Variants in PIGK observed in about 807,000 individuals in gnomAD.
The protein encoded by PIGK is GPI-anchor transamidase.
A neutral mutation model predicts 50.6 loss-of-function variants in PIGK; 42 were observed. The ratio of observed to expected loss-of-function variants is 0.83; its 90% CI spans 0.65 to 1.07. The LOEUF is 1.07. Among genes scored for constraint, PIGK ranks in the 50% least tolerant of loss-of-function variants. PIGK has a pLI of 0.00. For synonymous variants in PIGK, 151 were observed against 156.0 expected, an observed-to-expected ratio of 0.97 and a Z score of 0.24; for missense variants, 448 against 488.7, an observed-to-expected ratio of 0.92 and a Z score of 0.78.
intron 9 of PIGK, among the ~76,000 whole-genome samples, chr1:77,127,442 T>C (rs148110942): frequency 9.1e-4 from 139 of 152,300 alleles, no homozygotes; most frequent in African/African-American, 3.2e-3. Context: ...CATGTTCCTA[T>C]AGTCCCAGCT....
At chr1:77,189,703 ATATATATATATATATAT>A (rs1655840481) in intron 3 of PIGK, among the ~76,000 whole-genome samples, 1 of 12,098 alleles carries the variant, frequency 8.3e-5, no homozygotes, top group Non-Finnish European at 2.2e-4. Context: ...TCATATATAT[ATATATATATATATATAT>A]ATATATATAT....
intron 3 of PIGK, among the ~76,000 whole-genome samples, chr1:77,191,225 A>G (rs1218542825): frequency 6.6e-6 from 1 of 152,218 alleles, no homozygotes; most frequent in Non-Finnish European, 1.5e-5. Flanking sequence ...TCACTGATCT[A>G]GCGTAACTTT....
At chr1:77,214,385 A>C (rs769336896) in intron 1 of PIGK, among the ~76,000 whole-genome samples, 6 of 152,216 alleles carry the variant, frequency 3.9e-5, no homozygotes, top group Admixed American at 1.3e-4. Flanking sequence ...TCACATCAAC[A>C]AAATGAAGGA....
At position 77,092,062 on chromosome 1, in the gene PIGK, ATTGT is replaced by A. The variant is rs1019630788; in HGVS notation, c.*308_*311del. 6.1e-6 allele frequency: 1 copy of A among 164,442 alleles called. No homozygotes were observed. The highest frequency in any genetic ancestry group is 1.3e-5 in the Non-Finnish European group (1 of 76,804). 10.2% of individuals were successfully genotyped at this position (164,442 alleles called of 1,614,324 possible). A position where few individuals can be genotyped will look rare whatever the true frequency, so the allele number is the denominator to read the frequency against. On this transcript the variant is annotated 3_prime_UTR_variant, in exon 11 of 11. Transcript: ENST00000370812. Reference sequence around the variant, plus strand: ...TTAGTGAGAATTTAATGTCTTCACAATTGTTTCTTTTCCAAATGAAAAGGGGATA... The same window carrying A: ...TTAGTGAGAATTTAATGTCTTCACAATTCTTTTCCAAATGAAAAGGGGATA...
At chr1:77,171,358 A>C (rs57907490) in intron 3 of PIGK, among the ~76,000 whole-genome samples, 26,160 of 142,910 alleles carry the variant, frequency 0.18, 2,489 homozygotes, top group East Asian at 0.39. Context: ...AATGGCATGA[A>C]CCCAGGAGGC....
chr1:77,108,618 C>T (rs1046101905), intron 10 of PIGK, among the ~76,000 whole-genome samples: 1 of 152,052 alleles, frequency 6.6e-6, no homozygotes, highest in African/African-American at 2.4e-5. Flanking sequence ...TCTGTATTTC[C>T]TGAATTTGAA....
chr1:77,116,254 G>A (rs1399248491), intron 10 of PIGK, among the ~76,000 whole-genome samples: 1 of 152,040 alleles, frequency 6.6e-6, no homozygotes, highest in Non-Finnish European at 1.5e-5. Context: ...CACGATCTCG[G>A]CTCACTGAAA....
Position 77,159,423 on chromosome 1 carries a change from ACT to A in PIGK, c.813+1870_813+1871del, listed in dbSNP as rs560189418. Among the ~76,000 whole-genome samples the A allele has an allele frequency of 5.6e-3, 857 of 152,296 alleles. 2 individuals are homozygous for A. The highest frequency in any genetic ancestry group is 8.6e-3 in the Non-Finnish European group (587 of 68,012). ...CCCCACACAGAGTCCCCAGTGGGGT[ACT>A]GCCTAGTGGAGCTGTGAGAAGAGGG... On this transcript the variant is annotated intron_variant, in intron 8 of 10. Coordinates refer to ENST00000370812, the MANE Select transcript of PIGK (RefSeq NM_005482.3).
chr1:77,168,156 A>G (rs893633065), intron 4 of PIGK, among the ~76,000 whole-genome samples: 9 of 152,210 alleles, frequency 5.9e-5, no homozygotes, highest in Non-Finnish European at 1.0e-4. Context: ...GATTTTCCCA[A>G]TCTAGAATTT....
At position 77,187,784 on chromosome 1, in the gene PIGK, G is replaced by A. The variant is rs145610581; in HGVS notation, c.240-18389C>T. Among the ~76,000 whole-genome samples the A allele has an allele frequency of 1.5e-4, 23 of 152,292 alleles. 1 individual carries two copies. The highest frequency in any genetic ancestry group is 4.6e-4 in the African/African-American group (19 of 41,564). ...AATGAAGGTGTGGGTCACCTGTTGCGGGAAGTCAGGGACCCCAAACGGATG... is the reference window on the plus strand; with the variant it reads ...AATGAAGGTGTGGGTCACCTGTTGCAGGAAGTCAGGGACCCCAAACGGATG... On this transcript the variant is annotated intron_variant, in intron 3 of 10. Transcript: ENST00000370812.
At chr1:77,124,507 G>A (rs1231928677) in intron 9 of PIGK, among the ~76,000 whole-genome samples, 3 of 151,998 alleles carry the variant, frequency 2.0e-5, no homozygotes, top group Admixed American at 6.6e-5. Context: ...TGCTTGGGAG[G>A]CTGAGGCAGG....
At chr1:77,128,667 TGAG>T (rs1654285126) in intron 9 of PIGK, among the ~76,000 whole-genome samples, 1 of 152,218 alleles carries the variant, frequency 6.6e-6, no homozygotes, top group African/African-American at 2.4e-5. Flanking sequence ...TCAAAATCAT[TGAG>T]CACTTACTCT....
intron 9 of PIGK, among the ~76,000 whole-genome samples, chr1:77,141,429 C>G (rs1654648054): frequency 6.6e-6 from 1 of 152,024 alleles, no homozygotes; most frequent in Non-Finnish European, 1.5e-5. Context: ...AATGAAGGAA[C>G]TGAAAAAGGC....
At chr1:77,183,844 G>A (rs192846268) in intron 3 of PIGK, among the ~76,000 whole-genome samples, 2 of 152,260 alleles carry the variant, frequency 1.3e-5, no homozygotes, top group East Asian at 3.9e-4. Context: ...CAAAGGATTA[G>A]GGAGATTGGG....
intron 9 of PIGK, among the ~76,000 whole-genome samples, chr1:77,133,810 G>T (rs1654437345): frequency 1.3e-5 from 2 of 152,198 alleles, no homozygotes; most frequent in Admixed American, 1.3e-4. Flanking sequence ...AACACAGAGA[G>T]AGTAAGACTA....
At chr1:77,125,974 A>T (rs1174394720) in intron 9 of PIGK, among the ~76,000 whole-genome samples, 1 of 151,286 alleles carries the variant, frequency 6.6e-6, no homozygotes, top group African/African-American at 2.4e-5. Context: ...CTACCTTGTG[A>T]TTTACTTTTC....
At chr1:77,214,477 C>T (rs537605832) in intron 1 of PIGK, among the ~76,000 whole-genome samples, 1 of 152,034 alleles carries the variant, frequency 6.6e-6, no homozygotes, top group Non-Finnish European at 1.5e-5. Flanking sequence ...AAACTCTCAA[C>T]AAATTGGGTA....
chr1:77,198,722 G>A (rs562938974), intron 3 of PIGK, among the ~76,000 whole-genome samples: 1 of 151,980 alleles, frequency 6.6e-6, no homozygotes, highest in Admixed American at 6.6e-5. Flanking sequence ...TATAAAACTT[G>A]AATGCTATTA....
rs1211323346 is a variant in PIGK, at chr1:77,169,293, T to C, written c.342A>G (p.Gly114=). The C allele has an allele frequency of 1.9e-6, 3 of 1,587,398 alleles. No individual in the cohort carries two copies. The highest frequency in any genetic ancestry group is 2.6e-6 in the Non-Finnish European group (3 of 1,165,368). ...TTCTATAATCCACTTCCACATCATC[T>C]CCATACACATTTAGTTCCATATTCT... ...SHKNMELNVY[G]DDVEVDYRSY... is the part of the protein sequence containing the mutation. The change falls in exon 4 of 11, where the codon GGA becomes GGG. Residue 114 remains glycine (G), a synonymous_variant. Coordinates refer to ENST00000370812, the MANE Select transcript of PIGK (RefSeq NM_005482.3).
Sources: gnomAD v4.1 joint callset for allele counts (sites outside exome capture counted in the v4.1 genomes callset) on GRCh38, gnomAD v4.1.1 for gene constraint, MANE v1.5 for transcripts, NCBI Gene and HGNC (gene_info 2026-07-23, HGNC 2026-07-21) for gene names.